The following TYR variants were observed in gnomAD, a reference collection of about 807,000 sequenced individuals.
TYR encodes the protein LB24-AB.
In TYR, 58 loss-of-function variants were observed where a neutral mutation model predicts 51.5. The observed-to-expected ratio is 1.13, with a 90% CI of 0.91 to 1.40. The LOEUF (loss-of-function observed/expected upper bound fraction) is 1.40, where lower values mean the gene tolerates loss of function less well. Ranked by LOEUF, TYR falls within the 40% of genes most tolerant of loss-of-function variation. The pLI is 0.00. For synonymous variants in TYR, 263 were observed against 235.2 expected, an observed-to-expected ratio of 1.12 and a Z score of -1.08; for missense variants, 732 against 647.4, an observed-to-expected ratio of 1.13 and a Z score of -1.42.
chr11:89,243,898 A>T (rs1590874565), intron 3 of TYR, among the ~76,000 whole-genome samples: 2 of 152,112 alleles, frequency 1.3e-5, no homozygotes, highest in South Asian at 4.1e-4. Context: ...ATAGAATAGG[A>T]TATTTAAAAA....
intron 3 of TYR, among the ~76,000 whole-genome samples, chr11:89,271,304 G>A (rs1410679562): frequency 1.3e-5 from 2 of 151,724 alleles, no homozygotes; most frequent in African/African-American, 4.8e-5. Flanking sequence ...GATATGGAAG[G>A]TTTGGCTTCG....
intron 2 of TYR, among the ~76,000 whole-genome samples, chr11:89,225,345 C>T (rs1943963573): frequency 6.6e-6 from 1 of 151,726 alleles, no homozygotes; most frequent in South Asian, 2.1e-4. Context: ...TAACTATAAT[C>T]ACCATGTTGT....
At chr11:89,275,176 C>G (rs1402584146) in intron 3 of TYR, among the ~76,000 whole-genome samples, 1 of 151,862 alleles carries the variant, frequency 6.6e-6, no homozygotes, top group Non-Finnish European at 1.5e-5. Context: ...TGTGCCGTCA[C>G]CCTTTCTTAC....
chr11:89,247,054 G>A (rs1267424637), intron 3 of TYR, among the ~76,000 whole-genome samples: 1 of 152,152 alleles, frequency 6.6e-6, no homozygotes, highest in Non-Finnish European at 1.5e-5. Context: ...TCCCTGATTT[G>A]TTCTCTAAAG....
At chr11:89,180,525 T>A (rs1223552068) in intron 1 of TYR, among the ~76,000 whole-genome samples, 1 of 151,978 alleles carries the variant, frequency 6.6e-6, no homozygotes, top group Non-Finnish European at 1.5e-5. Flanking sequence ...TCTCTCTTCA[T>A]GAATGTGTTC....
intron 2 of TYR, among the ~76,000 whole-genome samples, chr11:89,227,211 T>G (rs1943987485): frequency 1.3e-5 from 2 of 152,162 alleles, no homozygotes; most frequent in Non-Finnish European, 2.9e-5. Context: ...TTATTAAAAT[T>G]TTTCCCATTA....
chr11:89,273,971 T>A (rs1944621521), intron 3 of TYR, among the ~76,000 whole-genome samples: 1 of 151,846 alleles, frequency 6.6e-6, no homozygotes, highest in Admixed American at 6.6e-5. Context: ...TCAACTTAAT[T>A]ATCTCTTTAA....
chr11:89,225,305 G>T (rs1943963174), intron 2 of TYR, among the ~76,000 whole-genome samples: 1 of 151,712 alleles, frequency 6.6e-6, no homozygotes, highest in Non-Finnish European at 1.5e-5. Flanking sequence ...TACTCTCTTA[G>T]CAATTTTCAA....
chr11:89,208,781 C>A (rs1256481404), intron 2 of TYR, among the ~76,000 whole-genome samples: 1 of 152,122 alleles, frequency 6.6e-6, no homozygotes, highest in African/African-American at 2.4e-5. Context: ...TCTTCTTAGA[C>A]GTATTTACTT....
intron 4 of TYR, among the ~76,000 whole-genome samples, chr11:89,289,611 C>T (rs1356066064): frequency 6.6e-6 from 1 of 151,894 alleles, no homozygotes; most frequent in Non-Finnish European, 1.5e-5. Flanking sequence ...CAACTCCCCG[C>T]CTACAGGTAG....
chr11:89,291,445 G>C (rs1298172374), intron 4 of TYR, among the ~76,000 whole-genome samples: 2 of 151,594 alleles, frequency 1.3e-5, no homozygotes, highest in African/African-American at 4.8e-5. Flanking sequence ...GGTACTTTTA[G>C]TAGCATGCTT....
intron 4 of TYR, among the ~76,000 whole-genome samples, chr11:89,291,914 T>C (rs1379209790): frequency 1.3e-5 from 2 of 152,028 alleles, no homozygotes; most frequent in African/African-American, 2.4e-5. Flanking sequence ...ATTATCATAT[T>C]TGGGGGCAAA....
At chr11:89,268,136 T>C (rs1944547731) in intron 3 of TYR, among the ~76,000 whole-genome samples, 1 of 151,946 alleles carries the variant, frequency 6.6e-6, no homozygotes, top group East Asian at 1.9e-4. Flanking sequence ...AGTTTTCTCA[T>C]CTGTAAAATA....
At chr11:89,262,870 A>AAAAAAC (rs1944477678) in intron 3 of TYR, among the ~76,000 whole-genome samples, 1 of 140,644 alleles carries the variant, frequency 7.1e-6, no homozygotes, top group African/African-American at 2.8e-5. Context: ...AAAAAAAAAA[A>AAAAAAC]AACAACAACA....
At chr11:89,187,018 G>A (rs1266167641) in intron 1 of TYR, among the ~76,000 whole-genome samples, 1 of 152,068 alleles carries the variant, frequency 6.6e-6, no homozygotes, top group African/African-American at 2.4e-5. Flanking sequence ...GAAAATAAAT[G>A]TCTGCTGTTT....
At chr11:89,215,896 T>A (rs114611267) in intron 2 of TYR, among the ~76,000 whole-genome samples, 1,639 of 152,258 alleles carry the variant, frequency 0.011, 26 homozygotes, top group African/African-American at 0.037. Context: ...TTCTGTTCTA[T>A]CTGTTTATGT....
At chr11:89,259,445 C>G (rs553368058) in intron 3 of TYR, among the ~76,000 whole-genome samples, 1 of 152,064 alleles carries the variant, frequency 6.6e-6, no homozygotes, top group African/African-American at 2.4e-5. Context: ...AAAGCTATAA[C>G]CTCAACCACC....
chr11:89,227,734 A>C, intron 2 of TYR, 89 bp from the exon 3 acceptor site: 1 of 1,149,752 alleles, frequency 8.7e-7, no homozygotes, highest in Non-Finnish European at 1.3e-6. Flanking sequence ...AACAGTCTTC[A>C]AGTTATAGTT....
intron 1 of TYR, among the ~76,000 whole-genome samples, chr11:89,188,344 G>A (rs961077107): frequency 2.0e-5 from 3 of 151,960 alleles, no homozygotes; most frequent in Non-Finnish European, 2.9e-5. Flanking sequence ...CTGACACATA[G>A]ACATTTTAAA....
Sources: gnomAD v4.1 joint callset for allele counts (sites outside exome capture counted in the v4.1 genomes callset) on GRCh38, gnomAD v4.1.1 for gene constraint, MANE v1.5 for transcripts, NCBI Gene and HGNC (gene_info 2026-07-23, HGNC 2026-07-21) for gene names.